ELMO1: variants seen among roughly 807,000 people sequenced by gnomAD.
ELMO1 encodes the protein engulfment and cell motility 1.
ELMO1 carries 26 observed loss-of-function variants against 98.9 expected under a neutral mutation model. The ratio of observed to expected loss-of-function variants is 0.26; its 90% CI spans 0.19 to 0.36. The LOEUF (loss-of-function observed/expected upper bound fraction) is 0.36, where lower values mean the gene tolerates loss of function less well. ELMO1 is among the 10% of genes least tolerant of loss of function. The probability of loss-of-function intolerance (pLI) is 1.00; values close to 1 mark genes in which losing one functional copy is unlikely to be tolerated. For synonymous variants in ELMO1, 346 were observed against 346.0 expected, an observed-to-expected ratio of 1.00 and a Z score of 0.00; for missense variants, 627 against 935.2, an observed-to-expected ratio of 0.67 and a Z score of 4.30.
intron 13 of ELMO1, among the ~76,000 whole-genome samples, chr7:37,152,430 G>A (rs923084363): frequency 7.0e-6 from 1 of 142,918 alleles, no homozygotes; most frequent in Non-Finnish European, 1.5e-5. Flanking sequence ...CTGGCACCTT[G>A]AGCAATGTTG....
intron 16 of ELMO1, among the ~76,000 whole-genome samples, chr7:36,932,905 T>C (rs781679408): frequency 1.3e-5 from 2 of 152,198 alleles, no homozygotes; most frequent in Non-Finnish European, 2.9e-5. Context: ...ATGCTTGCTC[T>C]CCATGTCTGA....
intron 9 of ELMO1, among the ~76,000 whole-genome samples, chr7:37,223,041 T>C (rs1046400509): frequency 1.3e-5 from 2 of 152,226 alleles, no homozygotes; most frequent in African/African-American, 4.8e-5. Context: ...TGTATGTGTA[T>C]GTGTATGTAT....
At chr7:37,291,037 T>C (rs1045644323) in intron 4 of ELMO1, among the ~76,000 whole-genome samples, 1 of 152,106 alleles carries the variant, frequency 6.6e-6, no homozygotes, top group African/African-American at 2.4e-5. Flanking sequence ...TGGTACAAAA[T>C]AGAGAGCCAC....
At chr7:37,122,032 A>G (rs1428288869) in intron 14 of ELMO1, among the ~76,000 whole-genome samples, 2 of 152,194 alleles carry the variant, frequency 1.3e-5, no homozygotes, top group Non-Finnish European at 2.9e-5. Context: ...ATCCAGCCAA[A>G]CTAAGCTTCA....
chr7:37,294,976 GCAA>G (rs1797956683), intron 4 of ELMO1, among the ~76,000 whole-genome samples: 1 of 148,546 alleles, frequency 6.7e-6, no homozygotes, highest in Non-Finnish European at 1.5e-5. Context: ...TCCAGCCTGG[GCAA>G]CAACAACAAA....
At chr7:37,060,287 C>T (rs548552980) in intron 15 of ELMO1, among the ~76,000 whole-genome samples, 12 of 152,202 alleles carry the variant, frequency 7.9e-5, no homozygotes, top group African/African-American at 2.2e-4. Context: ...GAATTTTAAA[C>T]GATAGACCAA....
At chr7:37,428,583 C>G (rs1804804947) in intron 1 of ELMO1, among the ~76,000 whole-genome samples, 1 of 152,106 alleles carries the variant, frequency 6.6e-6, no homozygotes, top group African/African-American at 2.4e-5. Context: ...GCCTAAAGAT[C>G]AAAACAATCA....
chr7:36,895,245 G>A (rs1032438525), intron 16 of ELMO1, among the ~76,000 whole-genome samples: 1 of 152,196 alleles, frequency 6.6e-6, no homozygotes, highest in Non-Finnish European at 1.5e-5. Context: ...CAGGGAACTG[G>A]TGGGGTGGGG....
intron 16 of ELMO1, among the ~76,000 whole-genome samples, chr7:36,948,022 GTTCT>G (rs1317612697): frequency 9.2e-5 from 14 of 152,282 alleles, no homozygotes; most frequent in Non-Finnish European, 1.8e-4. Flanking sequence ...GTTATTGTGC[GTTCT>G]TTGACTTATT....
intron 1 of ELMO1, among the ~76,000 whole-genome samples, chr7:37,377,056 G>C (rs1285603737): frequency 1.3e-5 from 2 of 152,164 alleles, no homozygotes; most frequent in Non-Finnish European, 2.9e-5. Context: ...GCTTAGCCTA[G>C]TCTACTTTAA....
At chr7:37,097,355 T>C (rs555959453) in intron 14 of ELMO1, among the ~76,000 whole-genome samples, 5 of 152,264 alleles carry the variant, frequency 3.3e-5, no homozygotes, top group Admixed American at 3.3e-4. Flanking sequence ...CTGGCCAACA[T>C]GGCGAATAAA....
At chr7:37,323,994 C>A (rs898748479) in intron 2 of ELMO1, among the ~76,000 whole-genome samples, 2 of 152,190 alleles carry the variant, frequency 1.3e-5, no homozygotes, top group Non-Finnish European at 2.9e-5. Flanking sequence ...CTTTAAGGCA[C>A]TGGAGACCCA....
At chr7:37,075,331 A>G (rs1266071659) in intron 15 of ELMO1, among the ~76,000 whole-genome samples, 1 of 139,142 alleles carries the variant, frequency 7.2e-6, no homozygotes, top group Non-Finnish European at 1.6e-5. Context: ...TTTTTTTTGT[A>G]TTTTTAGTAG....
chr7:37,030,230 T>C (rs1349248448), intron 15 of ELMO1, among the ~76,000 whole-genome samples: 1 of 152,196 alleles, frequency 6.6e-6, no homozygotes, highest in Non-Finnish European at 1.5e-5. Context: ...ACTGATGAAA[T>C]TGTTCAGAAC....
chr7:37,192,797 CAA>C (rs35594398), intron 13 of ELMO1, among the ~76,000 whole-genome samples: 25 of 111,468 alleles, frequency 2.2e-4, no homozygotes, highest in East Asian at 4.8e-4. Flanking sequence ...GACTCTGTCT[CAA>C]AAAAAAAAAA....
intron 16 of ELMO1, among the ~76,000 whole-genome samples, chr7:36,943,638 G>A (rs374280998): frequency 1.3e-5 from 2 of 152,220 alleles, no homozygotes; most frequent in East Asian, 3.8e-4. Flanking sequence ...AATATTTAAT[G>A]CTTCGAATAA....
chr7:37,030,684 C>A (rs1794832553), intron 15 of ELMO1, among the ~76,000 whole-genome samples: 1 of 152,192 alleles, frequency 6.6e-6, no homozygotes, highest in Non-Finnish European at 1.5e-5. Context: ...TGTTCTTCTT[C>A]CCAATCTCCT....
chr7:37,039,134 A>T (rs552781613), intron 15 of ELMO1, among the ~76,000 whole-genome samples: 16 of 151,528 alleles, frequency 1.1e-4, no homozygotes, highest in East Asian at 5.8e-4. Context: ...CCAATTTTTA[A>T]AAAAAAAAGA....
chr7:37,064,723 C>G lies in ELMO1; in HGVS notation c.1300+31896G>C, dbSNP rs571808727. Among the ~76,000 whole-genome samples the G allele has an allele frequency of 5.3e-5, 8 of 152,264 alleles. No individual in the cohort carries two copies. In the South Asian group the frequency reaches 1.7e-3, roughly 32 times the overall value. The stretch of plus-strand genomic sequence containing the variant: ...TCCTGCTTTTAAAAGCCAATCTCCC[C>G]GTAAGTACTCAGATCCTATCTCCTT... On this transcript the variant is annotated intron_variant, in intron 15 of 21. Transcript: ENST00000310758.
Sources: gnomAD v4.1 joint callset for allele counts (sites outside exome capture counted in the v4.1 genomes callset) on GRCh38, gnomAD v4.1.1 for gene constraint, MANE v1.5 for transcripts, NCBI Gene and HGNC (gene_info 2026-07-23, HGNC 2026-07-21) for gene names.